Variants in DYM observed in about 807,000 individuals in gnomAD.
DYM encodes dymeclin, also known as dyggve-Melchior-Clausen syndrome protein.
Under a neutral mutation model 93.1 loss-of-function variants are expected in DYM, and 78 were observed. The observed-to-expected ratio is 0.84, with a 90% confidence interval of 0.70 to 1.01. The LOEUF is 1.01. Ranked by LOEUF, DYM falls within the 50% of genes least tolerant of loss-of-function variation. The pLI, the probability that DYM is intolerant of heterozygous loss-of-function variation, is 0.00. For missense variants in DYM, 789 were observed against 845.0 expected (o/e 0.93, Z 0.82); for synonymous variants, 321 against 319.7 (o/e 1.00, Z -0.04).
intron 16 of DYM, among the ~76,000 whole-genome samples, chr18:49,113,171 G>A (rs2081585983): frequency 6.6e-6 from 1 of 152,174 alleles, no homozygotes; most frequent in Admixed American, 6.5e-5. Context: ...CTAGTTTAGA[G>A]CTTGATAAGG....
At chr18:49,379,917 A>C (rs760484431) in intron 3 of DYM, among the ~76,000 whole-genome samples, 159 bp from the exon 4 acceptor site, 1 of 152,184 alleles carries the variant, frequency 6.6e-6, no homozygotes, top group Non-Finnish European at 1.5e-5. Context: ...CAATGAGAGA[A>C]ACTGCTGCTC....
intron 8 of DYM, among the ~76,000 whole-genome samples, chr18:49,291,665 G>T (rs1204808315): frequency 6.6e-6 from 1 of 152,124 alleles, no homozygotes. Context: ...GATGACTGGG[G>T]AACACAGGAA....
At chr18:49,149,702 G>GTTTTTTTTTT (rs35259913) in intron 15 of DYM, among the ~76,000 whole-genome samples, 1 of 76,844 alleles carries the variant, frequency 1.3e-5, no homozygotes, top group African/African-American at 5.2e-5. Flanking sequence ...ATTACAAAGT[G>GTTTTTTTTTT]TTTTTTTTTT....
chr18:49,147,043 A>C (rs1010929210), intron 15 of DYM, among the ~76,000 whole-genome samples: 24 of 152,106 alleles, frequency 1.6e-4, no homozygotes, highest in Non-Finnish European at 3.1e-4. Context: ...ATAATGCCGC[A>C]TATCTACAAC....
intron 14 of DYM, among the ~76,000 whole-genome samples, chr18:49,169,806 C>T (rs2088420731): frequency 6.6e-6 from 1 of 152,200 alleles, no homozygotes; most frequent in South Asian, 2.1e-4. Flanking sequence ...AAAGACTCCT[C>T]TGCTCCTGGA....
chr18:49,350,434 G>C (rs114790478), intron 6 of DYM, among the ~76,000 whole-genome samples: 3 of 152,102 alleles, frequency 2.0e-5, no homozygotes, highest in Admixed American at 6.5e-5. Context: ...TTGGCTGAGC[G>C]CAGTGGCTTA....
intron 2 of DYM, among the ~76,000 whole-genome samples, chr18:49,408,914 G>C (rs908580210): frequency 6.6e-6 from 1 of 152,076 alleles, no homozygotes; most frequent in Non-Finnish European, 1.5e-5. Context: ...CATAACAAAC[G>C]GCTCTGGCCT....
chr18:49,106,368 G>A (rs1373400640), intron 16 of DYM, among the ~76,000 whole-genome samples: 2 of 152,164 alleles, frequency 1.3e-5, no homozygotes, highest in African/African-American at 2.4e-5. Flanking sequence ...CAATTTGCCA[G>A]TCTGTGTCTT....
intron 14 of DYM, among the ~76,000 whole-genome samples, chr18:49,194,652 G>A (rs2091279124): frequency 6.6e-6 from 1 of 151,860 alleles, no homozygotes; most frequent in Non-Finnish European, 1.5e-5. Flanking sequence ...AGATCACTGT[G>A]GCAGGCTAGT....
intron 16 of DYM, among the ~76,000 whole-genome samples, chr18:49,099,968 C>T (rs112818800): frequency 1.2e-4 from 18 of 152,174 alleles, no homozygotes; most frequent in Middle Eastern, 3.4e-3. Flanking sequence ...CACGCTATTT[C>T]GTGAGGGTTT....
At chr18:49,370,338 A>G (rs2066913194) in intron 5 of DYM, among the ~76,000 whole-genome samples, 1 of 151,296 alleles carries the variant, frequency 6.6e-6, no homozygotes, top group South Asian at 2.1e-4. Flanking sequence ...TCTTCATCCT[A>G]GCACCTCCTA....
At chr18:49,376,981 T>C (rs534984306) in intron 5 of DYM, among the ~76,000 whole-genome samples, 2 of 152,332 alleles carry the variant, frequency 1.3e-5, no homozygotes, top group East Asian at 1.9e-4. Context: ...CTCAACAGTA[T>C]GTGTAGAAAA....
intron 13 of DYM, among the ~76,000 whole-genome samples, chr18:49,222,272 G>C (rs2093391761): frequency 6.6e-6 from 1 of 152,048 alleles, no homozygotes; most frequent in Admixed American, 6.6e-5. Flanking sequence ...TTAGAACTAA[G>C]AGTATAATCT....
chr18:49,239,660 G>C (rs573244435), intron 13 of DYM, among the ~76,000 whole-genome samples: 1 of 152,316 alleles, frequency 6.6e-6, no homozygotes, highest in Admixed American at 6.5e-5. Context: ...GAAGAACTGA[G>C]GTGTTCCAGG....
chr18:49,164,648 A>T (rs2087634216), intron 14 of DYM, among the ~76,000 whole-genome samples: 1 of 152,244 alleles, frequency 6.6e-6, no homozygotes, highest in Admixed American at 6.5e-5. Context: ...GTTTGTATAA[A>T]TGTTAAGCTG....
At chr18:49,411,577 T>C (rs1276068835) in intron 2 of DYM, among the ~76,000 whole-genome samples, 1 of 152,084 alleles carries the variant, frequency 6.6e-6, no homozygotes, top group Non-Finnish European at 1.5e-5. Context: ...AAGTGAGAAA[T>C]TAATAGCTCA....
chr18:49,334,579 G>A (rs1381814084), intron 6 of DYM, among the ~76,000 whole-genome samples: 1 of 151,978 alleles, frequency 6.6e-6, no homozygotes, highest in Non-Finnish European at 1.5e-5. Flanking sequence ...GATTATAATG[G>A]GGAACATGTT....
At chr18:49,064,125 A>C (rs978792190) in intron 17 of DYM, among the ~76,000 whole-genome samples, 5 of 152,230 alleles carry the variant, frequency 3.3e-5, no homozygotes, top group African/African-American at 1.2e-4. Flanking sequence ...TTATATACTG[A>C]GAGTTTACAA....
chr18:49,459,362 C>A (rs1008912592), intron 1 of DYM, among the ~76,000 whole-genome samples: 1 of 152,126 alleles, frequency 6.6e-6, no homozygotes, highest in Non-Finnish European at 1.5e-5. Context: ...AATAAAACTT[C>A]AAAGCAGGAT....
Sources: allele counts gnomAD v4.1 joint callset (sites outside exome capture counted in the v4.1 genomes callset), GRCh38; gene constraint gnomAD v4.1.1; transcripts MANE v1.5; gene names NCBI Gene and HGNC (gene_info 2026-07-23, HGNC 2026-07-21).